The following XRCC4 variants were observed in gnomAD, a reference collection of about 807,000 sequenced individuals.
XRCC4 encodes DNA repair protein XRCC4.
A neutral mutation model predicts 39.1 loss-of-function variants in XRCC4; 28 were observed. The ratio of observed to expected loss-of-function variants is 0.72; its 90% CI spans 0.53 to 0.98. The LOEUF is 0.98. Ranked by LOEUF, XRCC4 falls within the 50% of genes least tolerant of loss-of-function variation. XRCC4 has a pLI of 0.00. For synonymous variants in XRCC4, 123 were observed against 126.4 expected (o/e 0.97, Z 0.18); for missense variants, 350 against 376.4 (o/e 0.93, Z 0.58).
intron 6 of XRCC4, among the ~76,000 whole-genome samples, chr5:83,226,414 T>A (rs527882983): frequency 2.6e-4 from 40 of 152,058 alleles, no homozygotes; most frequent in Non-Finnish European, 5.3e-4. Context: ...TAAGTCCTTT[T>A]TCTATACTGG....
In XRCC4 at chr5:83,209,095, T is replaced by A. The variant is rs865993388; in HGVS notation, c.745+4174T>A. On this transcript the variant is annotated intron_variant, in intron 6 of 7. Coordinates refer to ENST00000396027, the MANE Select transcript of XRCC4 (RefSeq NM_003401.5). The stretch of plus-strand genomic sequence containing the variant: ...TGCCTCCAAAGTGAGTGTGTGTGTG[T>A]GTGTGTGTGTGTGTGTGTGTGTGTG... 2.6e-3 allele frequency among the ~76,000 whole-genome samples: 398 copies of A among 150,490 alleles called. 2 individuals carry two copies. The highest frequency in any genetic ancestry group is 0.014 in the Middle Eastern group (4 of 288).
rs1378988695 is a variant in XRCC4 at position 83,144,265 on chromosome 5, C to CTGTG, written c.315+33063_315+33064insGTGT. On this transcript the variant is annotated intron_variant, in intron 3 of 7. Transcript: ENST00000396027. ...TCTTTTTTCTGGCTGAGTAATATTCCTCTGTGTGTGTGTGTGTGTGTGTGT... is the reference window on the plus strand; with the variant it reads ...TCTTTTTTCTGGCTGAGTAATATTCCTGTGTCTGTGTGTGTGTGTGTGTGTGTGT... Among the ~76,000 whole-genome samples the CTGTG allele has an allele frequency of 1.0e-4, 7 of 69,012 alleles. No homozygotes were observed. In the East Asian group the frequency reaches 1.9e-3, roughly 19 times the overall value. The allele number at this position is 69,012 out of a possible 152,430, so 45.3% of individuals were successfully genotyped here.
intron 7 of XRCC4, among the ~76,000 whole-genome samples, chr5:83,298,467 A>G (rs898055407): frequency 6.6e-6 from 1 of 152,076 alleles, no homozygotes; most frequent in East Asian, 1.9e-4. Context: ...TTTCATTATT[A>G]TAAAATGACT....
chr5:83,258,565 C>G lies in XRCC4; in HGVS notation c.781C>G (p.Leu261Val). The G allele has an allele frequency of 6.2e-7, 1 of 1,608,482 alleles. No homozygotes were observed. The highest frequency in any genetic ancestry group is 8.5e-7 in the Non-Finnish European group (1 of 1,178,494). The change falls in exon 7 of 8, where the codon CTT (leucine) becomes GTT (valine). Residue 261 changes from leucine (L) to valine (V), a missense_variant. Physicochemically the swap from Leu to Val is conservative, Grantham distance 32. Coordinates refer to ENST00000396027, the MANE Select transcript of XRCC4 (RefSeq NM_003401.5). The stretch of plus-strand genomic sequence containing the variant: ...TAAAGATGATTCCATTATTTCAAGT[C>G]TTGATGTCACTGATATTGCACCAAG... ...VSKDDSIISSLDVTDIAPSRK... is the reference protein window; with the variant it reads ...VSKDDSIISSVDVTDIAPSRK...
At position 83,263,246 on chromosome 5, in the gene XRCC4, G is replaced by A. The variant is rs1753827711; in HGVS notation, c.893+4569G>A. Among the ~76,000 whole-genome samples the A allele has an allele frequency of 2.6e-5, 4 of 151,746 alleles. No individual in the cohort carries two copies. In the South Asian group the frequency reaches 8.3e-4, roughly 32 times the overall value. On this transcript the variant is annotated intron_variant, in intron 7 of 7. Coordinates refer to ENST00000396027, the MANE Select transcript of XRCC4 (RefSeq NM_003401.5). The stretch of plus-strand genomic sequence containing the variant: ...CATTTTCTTAATCCAGACTATCATT[G>A]TTGGACATTTGGGTTGGTTCCAAGT...
intron 2 of XRCC4, among the ~76,000 whole-genome samples, chr5:83,108,681 C>G (rs992117512): frequency 6.6e-6 from 1 of 151,678 alleles, no homozygotes; most frequent in African/African-American, 2.4e-5. Context: ...GTGTTTTCTT[C>G]AAGTTTTTCT....
At chr5:83,282,160 C>T (rs1754564544) in intron 7 of XRCC4, among the ~76,000 whole-genome samples, 1 of 152,174 alleles carries the variant, frequency 6.6e-6, no homozygotes, top group South Asian at 2.1e-4. Context: ...AAATGGATGA[C>T]TCCTATGGCA....
At chr5:83,359,143 G>A in the XRCC4 span, among the ~76,000 whole-genome samples, 3 of 152,100 alleles carry the variant, frequency 2.0e-5, no homozygotes, top group Non-Finnish European at 4.4e-5. Context: ...AATGACCCAC[G>A]CTGCAGTCTC....
intron 7 of XRCC4, among the ~76,000 whole-genome samples, chr5:83,324,504 T>C (rs1756181754): frequency 6.6e-6 from 1 of 152,172 alleles, no homozygotes; most frequent in Non-Finnish European, 1.5e-5. Flanking sequence ...TCCTTGTCAA[T>C]AGATGTAAGA....
chr5:83,114,653 C>T (rs1349686846), intron 3 of XRCC4, among the ~76,000 whole-genome samples: 1 of 152,328 alleles, frequency 6.6e-6, no homozygotes, highest in South Asian at 2.1e-4. Flanking sequence ...TCACATCTTC[C>T]TGTCTTCTGA....
intron 3 of XRCC4, among the ~76,000 whole-genome samples, chr5:83,176,140 A>T (rs563250889): frequency 1.1e-4 from 16 of 152,320 alleles, no homozygotes; most frequent in African/African-American, 3.8e-4. Context: ...GTTATAATCT[A>T]TACTAAACAT....
In XRCC4 at chr5:83,254,987, C is replaced by T. The variant is rs139653204; in HGVS notation, c.746-3543C>T. 4.7e-3 allele frequency among the ~76,000 whole-genome samples: 709 copies of T among 150,878 alleles called. 2 individuals are homozygous for T. Among genetic ancestry groups the T allele is most frequent in the African/African-American group, 0.016 (660 of 40,878 alleles). On this transcript the variant is annotated intron_variant, in intron 6 of 7. Coordinates refer to ENST00000396027, the MANE Select transcript of XRCC4 (RefSeq NM_003401.5). The stretch of plus-strand genomic sequence containing the variant: ...CTGTAATCCCAGCTACTCAGGAGCC[C>T]GAGGCAGGAGAGTTGTTTGAACCCA...
At chr5:83,231,331 A>G (rs1752488211) in intron 6 of XRCC4, among the ~76,000 whole-genome samples, 1 of 152,048 alleles carries the variant, frequency 6.6e-6, no homozygotes, top group South Asian at 2.1e-4. Flanking sequence ...TGGGTTTCCC[A>G]TATTTCATAT....
At chr5:83,106,063 A>G (rs1464313300) in intron 2 of XRCC4, among the ~76,000 whole-genome samples, 1 of 152,158 alleles carries the variant, frequency 6.6e-6, no homozygotes. Context: ...TGTAAAATAA[A>G]GAATTTTCAG....
rs1199546617 is a variant in XRCC4 at position 83,089,264 on chromosome 5, C to G, written c.-11+11649C>G. Among the ~76,000 whole-genome samples, 4 of 152,296 alleles carry G rather than the reference C, an allele frequency of 2.6e-5. No homozygotes were observed. In the East Asian group the frequency reaches 7.7e-4, roughly 29 times the overall value. On this transcript the variant is annotated intron_variant, in intron 1 of 7. Transcript: ENST00000396027. ...CTAGAATTCTGAAACTATCAAAGTT[C>G]CATTTCTATCAGCCACTAGGTGAGC...
chr5:83,332,067 A>C (rs949657529), intron 7 of XRCC4, among the ~76,000 whole-genome samples: 7 of 152,164 alleles, frequency 4.6e-5, no homozygotes, highest in African/African-American at 1.7e-4. Context: ...CATCTGGTTC[A>C]CATGTGTCCA....
intron 7 of XRCC4, among the ~76,000 whole-genome samples, chr5:83,282,243 A>C (rs1234828928): frequency 6.6e-6 from 1 of 152,200 alleles, no homozygotes; most frequent in Non-Finnish European, 1.5e-5. Flanking sequence ...TTGGCCTAGA[A>C]GTTTCATCTG....
intron 7 of XRCC4, among the ~76,000 whole-genome samples, chr5:83,294,902 G>A (rs1755041922): frequency 6.6e-6 from 1 of 151,868 alleles, no homozygotes; most frequent in African/African-American, 2.4e-5. Context: ...AGCACCCTGT[G>A]GTGATATGAT....
chr5:83,355,300 T>C (rs1757177596), downstream of XRCC4, among the ~76,000 whole-genome samples: 1 of 152,144 alleles, frequency 6.6e-6, no homozygotes. Flanking sequence ...GTTTTTTCCA[T>C]TATGCATATC....
Sources: allele counts gnomAD v4.1 joint callset (sites outside exome capture counted in the v4.1 genomes callset), GRCh38; gene constraint gnomAD v4.1.1; transcripts MANE v1.5; gene names NCBI Gene and HGNC (gene_info 2026-07-23, HGNC 2026-07-21).